The following STXBP5L variants were observed in gnomAD, a reference collection of about 807,000 sequenced individuals.
The protein encoded by STXBP5L is syntaxin binding protein 5L.
In STXBP5L, 65 loss-of-function variants were observed where a neutral mutation model predicts 144.5. That is an observed-to-expected ratio of 0.45 (90% CI 0.37 to 0.55). The LOEUF (loss-of-function observed/expected upper bound fraction) is 0.55, where lower values mean the gene tolerates loss of function less well. Ranked by LOEUF, STXBP5L falls within the 20% of genes least tolerant of loss-of-function variation. The pLI, the probability that STXBP5L is intolerant of heterozygous loss-of-function variation, is 0.00. For synonymous variants in STXBP5L, 505 were observed against 469.6 expected (o/e 1.08, Z -0.97); for missense variants, 1,298 against 1,405.5 (o/e 0.92, Z 1.22).
At chr3:121,195,440 TC>T (rs2047883542) in intron 9 of STXBP5L, among the ~76,000 whole-genome samples, 1 of 152,110 alleles carries the variant, frequency 6.6e-6, no homozygotes, top group Non-Finnish European at 1.5e-5. Context: ...CCTTCTCCCC[TC>T]CCCTGCTTCA....
At chr3:121,352,802 G>T (rs2108616716) in intron 20 of STXBP5L, among the ~76,000 whole-genome samples, 1 of 152,232 alleles carries the variant, frequency 6.6e-6, no homozygotes, top group Middle Eastern at 3.4e-3. Flanking sequence ...CATTGAGTAT[G>T]ATATTGGGTG....
intron 3 of STXBP5L, among the ~76,000 whole-genome samples, chr3:121,007,567 G>A (rs967447323): frequency 1.3e-5 from 2 of 151,896 alleles, no homozygotes; most frequent in East Asian, 1.9e-4. Context: ...AATAGATATA[G>A]CAGCATTATT....
intron 4 of STXBP5L, among the ~76,000 whole-genome samples, chr3:121,044,705 G>A (rs9841743): frequency 0.099 from 15,102 of 152,030 alleles, 1,180 homozygotes; most frequent in Admixed American, 0.2. Context: ...AATAGTTTAA[G>A]CATATATACA....
chr3:121,075,149 C>T (rs2041967544), intron 5 of STXBP5L, among the ~76,000 whole-genome samples: 2 of 152,130 alleles, frequency 1.3e-5, no homozygotes, highest in Non-Finnish European at 2.9e-5. Context: ...ACTTCTGAAC[C>T]CCTTGACTGG....
At chr3:121,323,837 A>G (rs2044057005) in intron 20 of STXBP5L, among the ~76,000 whole-genome samples, 1 of 152,068 alleles carries the variant, frequency 6.6e-6, no homozygotes, top group Non-Finnish European at 1.5e-5. Context: ...AGCTTCACTT[A>G]CCTGGTACAG....
chr3:121,341,711 A>G (rs938604586), intron 20 of STXBP5L, among the ~76,000 whole-genome samples: 2 of 152,116 alleles, frequency 1.3e-5, no homozygotes, highest in African/African-American at 4.8e-5. Flanking sequence ...CCTGTTGTTT[A>G]CAACATGAAT....
intron 20 of STXBP5L, among the ~76,000 whole-genome samples, chr3:121,351,754 A>C (rs2045290708): frequency 6.6e-6 from 1 of 152,024 alleles, no homozygotes; most frequent in Non-Finnish European, 1.5e-5. Flanking sequence ...TTAGACATGA[A>C]GTCCTTGCCC....
chr3:121,423,270 C>T lies in STXBP5L; in HGVS notation c.*4173C>T, dbSNP rs1420630754. 1 of 152,274 alleles carries T rather than the reference C, an allele frequency of 6.6e-6. No homozygotes were observed. The highest frequency in any genetic ancestry group is 2.4e-5 in the African/African-American group (1 of 41,442). 9.4% of individuals were successfully genotyped at this position (152,274 alleles called of 1,614,324 possible). ...TTTTGGCTAGGTACTATTTCACATG[C>T]ACACTGTCCTGGGTGCCAGAAATAC... On this transcript the variant is annotated 3_prime_UTR_variant, in exon 27 of 27. Transcript: ENST00000471454.
At chr3:121,407,101 A>T in intron 22 of STXBP5L, 142 bp from the exon 23 acceptor site, 2 of 1,011,888 alleles carry the variant, frequency 2.0e-6, no homozygotes, top group Non-Finnish European at 2.7e-6. Flanking sequence ...ATAACAGATG[A>T]GCTCACAAAT....
chr3:121,233,774 C>G, intron 12 of STXBP5L, 86 bp downstream of exon 12: 1 of 1,028,654 alleles, frequency 9.7e-7, no homozygotes, highest in South Asian at 1.8e-5. Flanking sequence ...AGGAAGTATT[C>G]TTTGTGTGAA....
intron 5 of STXBP5L, among the ~76,000 whole-genome samples, chr3:121,048,058 T>G (rs1367789803): frequency 6.6e-6 from 1 of 152,198 alleles, no homozygotes; most frequent in Non-Finnish European, 1.5e-5. Flanking sequence ...ATAAATTCCC[T>G]TAGCATTTGC....
intron 9 of STXBP5L, among the ~76,000 whole-genome samples, chr3:121,183,485 T>C (rs2047239683): frequency 6.6e-6 from 1 of 151,868 alleles, no homozygotes; most frequent in Non-Finnish European, 1.5e-5. Context: ...TCAGTAGCAC[T>C]GATATACACC....
intron 5 of STXBP5L, among the ~76,000 whole-genome samples, chr3:121,090,911 A>C: frequency 1.4e-5 from 2 of 143,980 alleles, no homozygotes; most frequent in African/African-American, 5.3e-5. Flanking sequence ...TATATCTCCC[A>C]GTGCTATCCC....
chr3:120,926,125 G>C (rs1292042312), intron 2 of STXBP5L, among the ~76,000 whole-genome samples: 1 of 151,990 alleles, frequency 6.6e-6, no homozygotes, highest in African/African-American at 2.4e-5. Context: ...GAGTATTCTG[G>C]GTTTGTCTGT....
At chr3:121,078,894 C>T (rs188329288) in intron 5 of STXBP5L, among the ~76,000 whole-genome samples, 16 of 152,348 alleles carry the variant, frequency 1.1e-4, no homozygotes, top group Non-Finnish European at 1.5e-4. Flanking sequence ...CCAGCTGGCC[C>T]GCAATTGCCA....
At chr3:121,001,377 A>T (rs999624281) in intron 3 of STXBP5L, among the ~76,000 whole-genome samples, 10 of 152,226 alleles carry the variant, frequency 6.6e-5, no homozygotes, top group Non-Finnish European at 1.5e-4. Flanking sequence ...GGATACTCAG[A>T]TCAGACTGGT....
intron 4 of STXBP5L, among the ~76,000 whole-genome samples, chr3:121,044,234 C>A (rs573030777): frequency 6.7e-6 from 1 of 148,724 alleles, no homozygotes; most frequent in South Asian, 2.1e-4. Context: ...TGGATATGAT[C>A]TTTGATTATG....
chr3:121,367,595 GTTTT>G (rs57288480), intron 20 of STXBP5L, among the ~76,000 whole-genome samples: 21 of 51,360 alleles, frequency 4.1e-4, no homozygotes, highest in Non-Finnish European at 4.6e-4. Context: ...TTCGACTCTT[GTTTT>G]TTTTTTTTTT....
chr3:120,967,826 ATTTTCAATTTTCTT>A (rs1369564291), intron 3 of STXBP5L, among the ~76,000 whole-genome samples: 3 of 152,016 alleles, frequency 2.0e-5, no homozygotes, highest in African/African-American at 7.2e-5. Flanking sequence ...TCTCAAGAAA[ATTTTCAATTTTCTT>A]TTAAACTTCT....
Sources: allele counts gnomAD v4.1 joint callset (sites outside exome capture counted in the v4.1 genomes callset), GRCh38; gene constraint gnomAD v4.1.1; transcripts MANE v1.5; gene names NCBI Gene and HGNC (gene_info 2026-07-23, HGNC 2026-07-21).